Variants in PRKG1 observed in about 807,000 individuals in gnomAD.
The protein encoded by PRKG1 is protein kinase cGMP-dependent 1.
In PRKG1, 35 loss-of-function variants were observed where a neutral mutation model predicts 88.1. The ratio of observed to expected loss-of-function variants is 0.40; its 90% confidence interval spans 0.30 to 0.53. PRKG1 has a LOEUF of 0.53. PRKG1 is among the 20% of genes least tolerant of loss of function. PRKG1 has a pLI of 0.59. For missense variants in PRKG1, 540 were observed against 839.8 expected, an observed-to-expected ratio of 0.64 and a Z score of 4.41; for synonymous variants, 303 against 292.5, an observed-to-expected ratio of 1.04 and a Z score of -0.37.
intron 3 of PRKG1, among the ~76,000 whole-genome samples, chr10:51,668,566 G>A (rs144851878): frequency 2.6e-5 from 4 of 152,202 alleles, no homozygotes; most frequent in Admixed American, 1.3e-4. Context: ...CAAGTAATAT[G>A]TACCCTATGG....
intron 4 of PRKG1, among the ~76,000 whole-genome samples, chr10:51,827,489 A>G (rs1839906332): frequency 6.6e-6 from 1 of 152,114 alleles, no homozygotes; most frequent in Non-Finnish European, 1.5e-5. Context: ...AGATAATATT[A>G]TATTTTTGAT....
intron 8 of PRKG1, among the ~76,000 whole-genome samples, chr10:52,143,519 T>G (rs12249497): frequency 0.24 from 36,035 of 152,088 alleles, 4,529 homozygotes; most frequent in African/African-American, 0.32. Context: ...TTACTGGATG[T>G]CAGTGAAGTC....
intron 1 of PRKG1, among the ~76,000 whole-genome samples, chr10:51,078,400 T>C (rs1844019192): frequency 6.8e-6 from 1 of 147,434 alleles, no homozygotes; most frequent in African/African-American, 2.5e-5. Context: ...TTTTTTTTTT[T>C]TTTTTTTTTA....
chr10:52,059,187 G>A (rs775509902), intron 6 of PRKG1, among the ~76,000 whole-genome samples: 1 of 151,962 alleles, frequency 6.6e-6, no homozygotes, highest in Non-Finnish European at 1.5e-5. Flanking sequence ...TGAGGATGCA[G>A]AGCAACTGGT....
At chr10:51,683,342 A>G (rs998322074) in intron 3 of PRKG1, among the ~76,000 whole-genome samples, 2 of 151,656 alleles carry the variant, frequency 1.3e-5, no homozygotes, top group African/African-American at 4.9e-5. Flanking sequence ...AACAAAACAA[A>G]ACAAAACACC....
intron 2 of PRKG1, among the ~76,000 whole-genome samples, chr10:51,325,204 T>C (rs1212291054): frequency 6.6e-6 from 1 of 152,210 alleles, no homozygotes; most frequent in Non-Finnish European, 1.5e-5. Flanking sequence ...TTCAGGTCTT[T>C]TACCCACTTT....
Position 51,699,703 on chromosome 10 carries a change from A to C in PRKG1, c.593-104882A>C. ...CGTTCCGCTTGCCTGTGGAACCTGC[A>C]TCCCACTAACAACTTATCTAATGCT... On this transcript the variant is annotated intron_variant, in intron 3 of 17. Coordinates refer to ENST00000373980, the MANE Select transcript of PRKG1 (RefSeq NM_006258.4). 4.0e-6 allele frequency: 3 copies of C among 748,648 alleles called. No homozygotes were observed. In the East Asian group the frequency reaches 7.9e-5, roughly 20 times the overall value. 46.4% of individuals were successfully genotyped at this position (748,648 alleles called of 1,614,324 possible).
At chr10:51,200,155 T>G (rs1837876160) in intron 2 of PRKG1, among the ~76,000 whole-genome samples, 2 of 151,560 alleles carry the variant, frequency 1.3e-5, no homozygotes, top group Non-Finnish European at 2.9e-5. Flanking sequence ...GCATACAGAG[T>G]GGGAGGAAAC....
chr10:51,884,626 T>C (rs1421450817), intron 4 of PRKG1, among the ~76,000 whole-genome samples: 8 of 152,048 alleles, frequency 5.3e-5, no homozygotes, highest in Admixed American at 5.2e-4. Flanking sequence ...TTCTACTCCA[T>C]ACATTGTAGC....
chr10:51,048,891 C>T (rs576960219), intron 1 of PRKG1, among the ~76,000 whole-genome samples: 1 of 151,894 alleles, frequency 6.6e-6, no homozygotes, highest in South Asian at 2.1e-4. Flanking sequence ...ATGCTGTTAC[C>T]ATGCACCGCA....
chr10:51,586,390 G>A (rs1428376030), intron 3 of PRKG1, among the ~76,000 whole-genome samples: 2 of 152,090 alleles, frequency 1.3e-5, no homozygotes, highest in Non-Finnish European at 2.9e-5. Flanking sequence ...TTAGATGGTG[G>A]AATGATGATA....
chr10:51,198,675 G>A (rs1039424699), intron 2 of PRKG1, among the ~76,000 whole-genome samples: 4 of 152,192 alleles, frequency 2.6e-5, no homozygotes, highest in Admixed American at 2.0e-4. Flanking sequence ...CCTGTTTACA[G>A]GTTATTGGAC....
chr10:52,166,434 T>TC (rs1302273706), intron 9 of PRKG1, among the ~76,000 whole-genome samples: 2 of 142,486 alleles, frequency 1.4e-5, no homozygotes, highest in Non-Finnish European at 3.1e-5. Context: ...AATATAATTT[T>TC]TTTTTTTTTT....
chr10:52,261,853 G>T (rs1054281020), intron 10 of PRKG1, among the ~76,000 whole-genome samples: 4 of 152,072 alleles, frequency 2.6e-5, no homozygotes, highest in African/African-American at 9.7e-5. Context: ...ACATTGATGT[G>T]AATCCAACAC....
At chr10:51,134,363 C>T (rs368036363) in intron 1 of PRKG1, among the ~76,000 whole-genome samples, 4 of 152,274 alleles carry the variant, frequency 2.6e-5, no homozygotes, top group East Asian at 3.9e-4. Flanking sequence ...TTAGCTTTCT[C>T]ATTTTTAAAA....
rs1589174217 is a variant in PRKG1 at position 51,127,105 on chromosome 10, G to T, written c.312-26059G>T. Among the ~76,000 whole-genome samples the T allele has an allele frequency of 3.9e-5, 6 of 152,246 alleles. No homozygotes were observed. The East Asian group carries it at 7.7e-4, about 20-fold the overall frequency. On this transcript the variant is annotated intron_variant, in intron 1 of 17. Transcript: ENST00000373980. Reference sequence around the variant, plus strand: ...AACGATTGCAACAAAAGTCAAAATTGATAAATGGGATCTAATTAAACTAAA... The same window carrying T: ...AACGATTGCAACAAAAGTCAAAATTTATAAATGGGATCTAATTAAACTAAA...
At chr10:51,570,067 A>ATATATATGTGTG (rs1491310201) in intron 3 of PRKG1, among the ~76,000 whole-genome samples, 5 of 113,078 alleles carry the variant, frequency 4.4e-5, no homozygotes, top group African/African-American at 1.8e-4. Context: ...ATATATATAT[A>ATATATATGTGTG]TGTGTGTGTG....
chr10:52,015,648 C>T (rs897889098), intron 5 of PRKG1, among the ~76,000 whole-genome samples: 5 of 152,186 alleles, frequency 3.3e-5, no homozygotes, highest in African/African-American at 1.2e-4. Flanking sequence ...GGTCAGGATG[C>T]AAATTTTTCA....
At chr10:51,341,444 T>TA (rs1038735166) in intron 2 of PRKG1, among the ~76,000 whole-genome samples, 12 of 152,134 alleles carry the variant, frequency 7.9e-5, no homozygotes, top group African/African-American at 2.7e-4. Flanking sequence ...ATCCTTTTCT[T>TA]CTGACCCCTA....
Sources: allele counts gnomAD v4.1 joint callset (sites outside exome capture counted in the v4.1 genomes callset), GRCh38; gene constraint gnomAD v4.1.1; transcripts MANE v1.5; gene names NCBI Gene and HGNC (gene_info 2026-07-23, HGNC 2026-07-21).